Variants in OSBP observed in about 807,000 individuals in gnomAD.
OSBP encodes the protein oxysterol binding protein.
A neutral mutation model predicts 96.6 loss-of-function variants in OSBP; 32 were observed. That is an observed-to-expected ratio of 0.33 (90% confidence interval 0.25 to 0.45). OSBP has a LOEUF of 0.45. OSBP is among the 20% of genes least tolerant of loss of function. The pLI, the probability that OSBP is intolerant of heterozygous loss-of-function variation, is 1.00. For synonymous variants in OSBP, 369 were observed against 389.6 expected (o/e 0.95, Z 0.62); for missense variants, 653 against 1,029.7 (o/e 0.63, Z 5.01).
intron 3 of OSBP, among the ~76,000 whole-genome samples, chr11:59,606,434 A>G (rs1234506318): frequency 6.9e-6 from 1 of 144,202 alleles, no homozygotes; most frequent in Non-Finnish European, 1.5e-5. Flanking sequence ...GCAGACACAG[A>G]AAAAAAAAAA....
chr11:59,608,803 T>C, intron 2 of OSBP, 69 bp from the exon 3 acceptor site: 1 of 1,504,476 alleles, frequency 6.6e-7, no homozygotes, highest in Admixed American at 1.7e-5. Context: ...CTACCTACTC[T>C]GTCCAGAAAC....
rs112406959 is a variant in OSBP at position 59,610,544 on chromosome 11, G to A, written c.408C>T (p.Leu136=). 42 of 1,614,074 alleles carry A rather than the reference G, an allele frequency of 2.6e-5. No homozygotes were observed. The highest frequency in any genetic ancestry group is 1.6e-4 in the Middle Eastern group (1 of 6,084). Residue 136 remains leucine, a synonymous_variant, in exon 2 of 14, where the codon CTC becomes CTT. Coordinates refer to ENST00000263847, the MANE Select transcript of OSBP (RefSeq NM_002556.3). ...MRHTCRGTIN[L]ATANITVEDS... ...CCTCCACGGTGATGTTGGCTGTGGC[G>A]AGGTTGATGGTACCACGGCAGGTAT...
intron 10 of OSBP, 106 bp from the exon 11 acceptor site, chr11:59,580,375 CTTGT>C (rs1009035011): frequency 1.6e-5 from 12 of 743,724 alleles, no homozygotes; most frequent in South Asian, 4.7e-5. Flanking sequence ...CTAGTAATCC[CTTGT>C]TTAAGATTCA....
chr11:59,574,962 ACCTCAAT>A lies in OSBP; in HGVS notation c.*1608_*1614del, dbSNP rs1375825111. ...CTAACAAAAAGCATACAAGGAAGGC[ACCTCAAT>A]TTGTGATCCTCAACCAAGGGTGGGT... On this transcript the variant is annotated 3_prime_UTR_variant, in exon 14 of 14. Coordinates refer to ENST00000263847, the MANE Select transcript of OSBP (RefSeq NM_002556.3). 6.6e-6 allele frequency: 1 copy of A among 152,444 alleles called. No individual in the cohort carries two copies. Among genetic ancestry groups the A allele is most frequent in the Non-Finnish European group, 1.5e-5 (1 of 68,062 alleles). The allele number at this position is 152,444 out of a possible 1,614,324, so 9.4% of individuals were successfully genotyped here. A position where few individuals can be genotyped will look rare whatever the true frequency, so the allele number is the denominator to read the frequency against.
At chr11:59,603,524 C>T (rs2134671706) in intron 3 of OSBP, among the ~76,000 whole-genome samples, 1 of 146,496 alleles carries the variant, frequency 6.8e-6, no homozygotes, top group East Asian at 2.1e-4. Context: ...AACTCATCAC[C>T]TTCAGTTTTT....
chr11:59,589,897 C>T (rs904795678), intron 9 of OSBP, among the ~76,000 whole-genome samples: 2 of 151,938 alleles, frequency 1.3e-5, no homozygotes, highest in Admixed American at 6.6e-5. Context: ...GCAGGAGAAT[C>T]GCTTGAACCC....
intron 1 of OSBP, 102 bp downstream of exon 1, chr11:59,615,201 G>A: frequency 9.1e-6 from 9 of 986,894 alleles, no homozygotes; most frequent in Middle Eastern, 2.8e-4. Flanking sequence ...AGGGGCCTGG[G>A]GCAACCCTGG....
intron 12 of OSBP, among the ~76,000 whole-genome samples, chr11:59,577,687 C>T (rs1234507222): frequency 1.1e-4 from 16 of 152,054 alleles, no homozygotes; most frequent in African/African-American, 2.4e-4. Context: ...GAGACGGTTT[C>T]GCCATGTTGG....
intron 9 of OSBP, among the ~76,000 whole-genome samples, chr11:59,592,942 T>C (rs1860604270): frequency 6.6e-6 from 1 of 151,972 alleles, no homozygotes; most frequent in Non-Finnish European, 1.5e-5. Flanking sequence ...ACTACAGGTG[T>C]GCACCACCAC....
intron 11 of OSBP, among the ~76,000 whole-genome samples, chr11:59,579,142 C>T (rs1171595761): frequency 6.6e-6 from 1 of 152,066 alleles, no homozygotes. Context: ...TTTCTTCTCT[C>T]AAGAAATTCA....
In OSBP at chr11:59,581,925, C is replaced by G. The variant is rs146277051; in HGVS notation, c.1679-371G>C. Among the ~76,000 whole-genome samples the G allele has an allele frequency of 2.0e-5, 3 of 152,292 alleles. No individual in the cohort carries two copies. In the East Asian group the frequency reaches 5.8e-4, roughly 29 times the overall value. ...AGGAGCACACATTGGTAGTCTGTAC[C>G]GGGACCAGGCTCTATTGTTAAGTTA... On this transcript the variant is annotated intron_variant, in intron 9 of 13. Coordinates refer to ENST00000263847, the MANE Select transcript of OSBP (RefSeq NM_002556.3).
At chr11:59,595,082 T>C (rs1353530082) in intron 7 of OSBP, 5 of 154,520 alleles carry the variant, frequency 3.2e-5, no homozygotes, top group Non-Finnish European at 7.3e-5. Context: ...AGAAGCTGAC[T>C]TTTTTGGGGA....
At position 59,615,713 on chromosome 11, in the gene OSBP, G is replaced by C; in HGVS notation, c.-49C>G. Reference sequence around the variant, plus strand: ...AAGACCGGAACCGCCTACGAGAGCCGCCGTCGCCGCCCGGAGCGCCCCACA... The same window carrying C: ...AAGACCGGAACCGCCTACGAGAGCCCCCGTCGCCGCCCGGAGCGCCCCACA... On this transcript the variant is annotated 5_prime_UTR_variant, in exon 1 of 14. Transcript: ENST00000263847. The C allele has an allele frequency of 7.9e-7, 1 of 1,258,584 alleles. No homozygotes were observed. The highest frequency in any genetic ancestry group is 2.7e-5 in the South Asian group (1 of 36,640). 78.0% of individuals were successfully genotyped at this position (1,258,584 alleles called of 1,614,324 possible). A position where few individuals can be genotyped will look rare whatever the true frequency, so the allele number is the denominator to read the frequency against.
intron 7 of OSBP, 45 bp from the exon 8 acceptor site, chr11:59,594,300 T>C (rs1860621289): frequency 1.3e-6 from 2 of 1,583,174 alleles, no homozygotes; most frequent in East Asian, 2.2e-5. Context: ...CACTCATCTA[T>C]AAGAGACAGT....
chr11:59,607,701 A>T (rs986786480), intron 3 of OSBP, among the ~76,000 whole-genome samples: 2 of 152,250 alleles, frequency 1.3e-5, no homozygotes, highest in Non-Finnish European at 2.9e-5. Context: ...GAGGAAAAGC[A>T]GCACTGTTTA....
rs933608828 is a variant in OSBP at position 59,575,644 on chromosome 11, T to A, written c.*933A>T. 1 of 152,548 alleles carries A rather than the reference T, an allele frequency of 6.6e-6. No individual in the cohort carries two copies. Among genetic ancestry groups the A allele is most frequent in the Admixed American group, 6.5e-5 (1 of 15,278 alleles). The allele number at this position is 152,548 out of a possible 1,614,324, so 9.4% of individuals were successfully genotyped here. A position where few individuals can be genotyped will look rare whatever the true frequency, so the allele number is the denominator to read the frequency against. ...TTCTGCTCTCAAATTCTGAAGTATA[T>A]CAGAATGGGACAGGCAATGTTTTGC... On this transcript the variant is annotated 3_prime_UTR_variant, in exon 14 of 14. Coordinates refer to ENST00000263847, the MANE Select transcript of OSBP (RefSeq NM_002556.3).
At chr11:59,614,121 T>A (rs1362369085) in intron 1 of OSBP, among the ~76,000 whole-genome samples, 3 of 152,232 alleles carry the variant, frequency 2.0e-5, no homozygotes, top group Admixed American at 6.5e-5. Context: ...ATACACATAG[T>A]AAGCATGATC....
chr11:59,593,739 G>A lies in OSBP; in HGVS notation c.1558-15C>T. On this transcript the variant is annotated splice_polypyrimidine_tract_variant and intron_variant, in intron 8 of 13. Transcript: ENST00000263847. ...TGATGACTCACCTTGAAGAAATCAG[G>A]TTCAAATTAAGACGGCAGAAAGGAG... The A allele has an allele frequency of 1.2e-6, 2 of 1,613,794 alleles. No individual in the cohort carries two copies. The highest frequency in any genetic ancestry group is 1.7e-6 in the Non-Finnish European group (2 of 1,179,774).
In OSBP at chr11:59,593,608, G is replaced by A. The variant is rs1178009450; in HGVS notation, c.1674C>T (p.Pro558=). The change falls in exon 9 of 14, where the codon CCC becomes CCT. Residue 558 remains proline, a synonymous_variant. Transcript: ENST00000263847. ...KFRGKYLSIM[P]LGTIHCIFHA... ...TGACAAAGATGGTAACCTTACCGAG[G>A]GGCATAATGGAGAGGTATTTGCCTC... 1.9e-6 allele frequency: 3 copies of A among 1,613,714 alleles called. No individual in the cohort carries two copies. Among genetic ancestry groups the A allele is most frequent in the Non-Finnish European group, 2.5e-6 (3 of 1,179,856 alleles).
Sources: allele counts gnomAD v4.1 joint callset (sites outside exome capture counted in the v4.1 genomes callset), GRCh38; gene constraint gnomAD v4.1.1; transcripts MANE v1.5; gene names NCBI Gene and HGNC (gene_info 2026-07-23, HGNC 2026-07-21).